KANK1: variants seen among roughly 807,000 people sequenced by gnomAD.
KANK1 encodes the protein KN motif and ankyrin repeat domains 1.
KANK1 carries 109 observed loss-of-function variants against 106.2 expected under a neutral mutation model. The observed-to-expected ratio is 1.03, with a 90% CI of 0.88 to 1.20. The LOEUF (loss-of-function observed/expected upper bound fraction) is 1.20. KANK1 is among the 50% of genes most tolerant of loss of function. The pLI is 0.00. For synonymous variants in KANK1, 873 were observed against 652.2 expected (o/e 1.34, Z -5.16); for missense variants, 2,399 against 1,710.7 (o/e 1.40, Z -7.10).
At chr9:481,685 G>A (rs181444940) in intron 3 of KANK1, among the ~76,000 whole-genome samples, 2 of 152,232 alleles carry the variant, frequency 1.3e-5, no homozygotes, top group East Asian at 3.9e-4. Flanking sequence ...GAATAGGCAA[G>A]GCTTGAGTGG....
intron 1 of KANK1, among the ~76,000 whole-genome samples, chr9:598,743 G>A (rs1341362286): frequency 1.4e-5 from 2 of 139,412 alleles, no homozygotes; most frequent in African/African-American, 2.7e-5. Context: ...CGATTCTCAT[G>A]CCTCAGCCTC....
At chr9:692,299 G>C (rs923680403) in intron 2 of KANK1, among the ~76,000 whole-genome samples, 7 of 151,994 alleles carry the variant, frequency 4.6e-5, no homozygotes, top group Non-Finnish European at 2.9e-5. Flanking sequence ...CCTGTGTGAA[G>C]ACACAAAGAT....
intron 1 of KANK1, among the ~76,000 whole-genome samples, chr9:667,675 C>T (rs543358571): frequency 1.3e-5 from 2 of 150,490 alleles, no homozygotes; most frequent in Non-Finnish European, 3.0e-5. Flanking sequence ...TCTTCATCAA[C>T]TCATTGTTTA....
At chr9:681,510 G>T (rs967736737) in intron 2 of KANK1, among the ~76,000 whole-genome samples, 1 of 152,238 alleles carries the variant, frequency 6.6e-6, no homozygotes, top group East Asian at 1.9e-4. Context: ...ATATGCTTTA[G>T]AAGCCAAATA....
At chr9:724,153 C>T (rs568294998) in intron 3 of KANK1, among the ~76,000 whole-genome samples, 12 of 152,034 alleles carry the variant, frequency 7.9e-5, no homozygotes, top group Non-Finnish European at 1.5e-4. Context: ...ATGTGATAAT[C>T]ATACTTATCT....
At chr9:709,192 G>T (rs1200394253) in intron 2 of KANK1, among the ~76,000 whole-genome samples, 1 of 152,202 alleles carries the variant, frequency 6.6e-6, no homozygotes, top group African/African-American at 2.4e-5. Context: ...GACAGGGTTT[G>T]GTTTTGTTTT....
At position 614,799 on chromosome 9, in the gene KANK1, A is replaced by G. The variant is rs572722947; in HGVS notation, c.-83-62091A>G. Among the ~76,000 whole-genome samples the G allele has an allele frequency of 2.0e-5, 3 of 152,256 alleles. No homozygotes were observed. The East Asian group carries it at 5.8e-4, about 29-fold the overall frequency. ...CATGATCTTTTAAAGAAATGTATAT[A>G]AATGTACTTTATATTTTTAAAAAAT... On this transcript the variant is annotated intron_variant, in intron 1 of 11. Transcript: ENST00000382297.
rs34749352 is a variant in KANK1 at position 517,738 on chromosome 9, C to CT, written c.-84+13002dup. ...AACGAGTAATAAGACCTTGAGGATTCTTTTTTTTTTTTTTTTTTGAGACAG... is the reference window on the plus strand; with the variant it reads ...AACGAGTAATAAGACCTTGAGGATTCTTTTTTTTTTTTTTTTTTTGAGACAG... On this transcript the variant is annotated intron_variant, in intron 1 of 11. Coordinates refer to ENST00000382297, the MANE Select transcript of KANK1 (RefSeq NM_015158.5). Among the ~76,000 whole-genome samples the CT allele has an allele frequency of 2.8e-3, 316 of 111,056 alleles. 5 individuals carry two copies. In the South Asian group the frequency reaches 0.033, roughly 11 times the overall value. The allele number at this position is 111,056 out of a possible 152,430, so 72.9% of individuals were successfully genotyped here. A position where few individuals can be genotyped will look rare whatever the true frequency, so the allele number is the denominator to read the frequency against.
intron 1 of KANK1, among the ~76,000 whole-genome samples, chr9:626,048 C>G (rs752888773): frequency 3.3e-5 from 5 of 152,072 alleles, no homozygotes; most frequent in African/African-American, 7.3e-5. Flanking sequence ...TTTCTGACCT[C>G]AAGAGTCAGG....
chr9:679,967 G>A (rs567637895), intron 2 of KANK1, among the ~76,000 whole-genome samples: 1 of 152,218 alleles, frequency 6.6e-6, no homozygotes, highest in Admixed American at 6.5e-5. Context: ...ATACACTTCT[G>A]TGCATGTAAA....
rs6477179 is a variant in KANK1 at position 737,637 on chromosome 9, G to T, written c.3334-648G>T. Among the ~76,000 whole-genome samples, 40 of 152,022 alleles carry T rather than the reference G, an allele frequency of 2.6e-4. No homozygotes were observed. The East Asian group carries it at 4.9e-3, about 18-fold the overall frequency. ...GAGAATGAAATTAGTTCCAGACGGGGTTCCCTTTTATTTTCCCTTTCCGTG... is the reference window on the plus strand; with the variant it reads ...GAGAATGAAATTAGTTCCAGACGGGTTTCCCTTTTATTTTCCCTTTCCGTG... On this transcript the variant is annotated intron_variant, in intron 7 of 11. Coordinates refer to ENST00000382297, the MANE Select transcript of KANK1 (RefSeq NM_015158.5).
At chr9:583,571 A>G (rs1822703643) in intron 1 of KANK1, among the ~76,000 whole-genome samples, 1 of 152,002 alleles carries the variant, frequency 6.6e-6, no homozygotes, top group Admixed American at 6.6e-5. Context: ...TCCTTATATA[A>G]AGATCCTTTA....
chr9:675,209 A>G lies in KANK1; in HGVS notation c.-83-1681A>G, dbSNP rs555765304. Among the ~76,000 whole-genome samples the G allele has an allele frequency of 5.3e-5, 8 of 152,318 alleles. No individual in the cohort carries two copies. The South Asian group carries it at 1.7e-3, about 32-fold the overall frequency. Reference sequence around the variant, plus strand: ...CAGTTTTGTTTTTCTTTTAACCAACATACTTTGAATATTTTGCCTTATTAA... The same window carrying G: ...CAGTTTTGTTTTTCTTTTAACCAACGTACTTTGAATATTTTGCCTTATTAA... On this transcript the variant is annotated intron_variant, in intron 1 of 11. Coordinates refer to ENST00000382297, the MANE Select transcript of KANK1 (RefSeq NM_015158.5).
At chr9:634,819 G>T (rs538929385) in intron 1 of KANK1, among the ~76,000 whole-genome samples, 8 of 152,310 alleles carry the variant, frequency 5.3e-5, no homozygotes, top group African/African-American at 1.9e-4. Flanking sequence ...AGGACTTTCA[G>T]ATTTAGTGGC....
At chr9:717,146 G>A (rs183689908) in intron 3 of KANK1, among the ~76,000 whole-genome samples, 2 of 152,024 alleles carry the variant, frequency 1.3e-5, no homozygotes, top group East Asian at 3.9e-4. Context: ...TTTGCCAGGC[G>A]TGATGGCAGA....
intron 3 of KANK1, among the ~76,000 whole-genome samples, chr9:498,651 G>A (rs926084926): frequency 3.9e-5 from 6 of 152,114 alleles, no homozygotes; most frequent in Admixed American, 2.0e-4. Flanking sequence ...TTTCTCCAAA[G>A]AAAATATACA....
At chr9:664,089 G>T (rs190905120) in intron 1 of KANK1, among the ~76,000 whole-genome samples, 11 of 152,244 alleles carry the variant, frequency 7.2e-5, no homozygotes, top group African/African-American at 9.6e-5. Context: ...TTCTGTTCTT[G>T]TAATAGTGAG....
chr9:600,043 TTG>T (rs1377583183), intron 1 of KANK1, among the ~76,000 whole-genome samples: 1 of 151,902 alleles, frequency 6.6e-6, no homozygotes, highest in Non-Finnish European at 1.5e-5. Context: ...TTTTAAAGTT[TTG>T]TGTTAGGCAT....
chr9:478,868 A>G (rs2058153459), intron 3 of KANK1, among the ~76,000 whole-genome samples: 1 of 151,912 alleles, frequency 6.6e-6, no homozygotes, highest in Admixed American at 6.6e-5. Flanking sequence ...TTTTGACCCC[A>G]TTATATGAAG....
Sources: gnomAD v4.1 joint callset for allele counts (sites outside exome capture counted in the v4.1 genomes callset) on GRCh38, gnomAD v4.1.1 for gene constraint, MANE v1.5 for transcripts, NCBI Gene and HGNC (gene_info 2026-07-23, HGNC 2026-07-21) for gene names.